NRXN1: variants seen among roughly 807,000 people sequenced by gnomAD.
The protein encoded by NRXN1 is neurexin-1.
In NRXN1, 39 loss-of-function variants were observed where a neutral mutation model predicts 150.9. That is an observed-to-expected ratio of 0.26 (90% CI 0.20 to 0.34). The LOEUF (loss-of-function observed/expected upper bound fraction) is 0.34. Ranked by LOEUF, NRXN1 falls within the 10% of genes least tolerant of loss-of-function variation. The pLI, the probability that NRXN1 is intolerant of heterozygous loss-of-function variation, is 1.00. For synonymous variants in NRXN1, 924 were observed against 757.0 expected (o/e 1.22, Z -3.62); for missense variants, 1,815 against 1,949.9 (o/e 0.93, Z 1.30).
intron 12 of NRXN1, among the ~76,000 whole-genome samples, chr2:50,508,053 C>A (rs2105013740): frequency 6.6e-6 from 1 of 152,110 alleles, no homozygotes; most frequent in South Asian, 2.1e-4. Context: ...GTAAAATAAA[C>A]CTCAGTTTTC....
intron 5 of NRXN1, among the ~76,000 whole-genome samples, chr2:50,791,511 C>G (rs1189817364): frequency 6.6e-6 from 1 of 152,052 alleles, no homozygotes; most frequent in Admixed American, 6.6e-5. Flanking sequence ...CGCCCAGAAT[C>G]TCCTCTTGCT....
intron 18 of NRXN1, among the ~76,000 whole-genome samples, chr2:50,192,617 G>A (rs891943833): frequency 2.0e-5 from 3 of 151,408 alleles, no homozygotes; most frequent in South Asian, 2.1e-4. Flanking sequence ...TTTTGGGGGG[G>A]GCGGTGGGGG....
intron 18 of NRXN1, among the ~76,000 whole-genome samples, chr2:50,097,072 T>C (rs893357379): frequency 6.6e-6 from 1 of 152,178 alleles, no homozygotes; most frequent in African/African-American, 2.4e-5. Flanking sequence ...ACATGTTACA[T>C]AAGATTTTAG....
intron 8 of NRXN1, among the ~76,000 whole-genome samples, chr2:50,602,971 G>A (rs1457644657): frequency 6.6e-6 from 1 of 152,172 alleles, no homozygotes; most frequent in Admixed American, 6.6e-5. Flanking sequence ...TCTTTGCCAA[G>A]AGTTTGCAGT....
chr2:50,393,289 T>A (rs1048730184), intron 17 of NRXN1, among the ~76,000 whole-genome samples: 1 of 152,130 alleles, frequency 6.6e-6, no homozygotes, highest in African/African-American at 2.4e-5. Context: ...TGCCATTTAT[T>A]CTCAGAACTC....
intron 5 of NRXN1, among the ~76,000 whole-genome samples, chr2:50,643,096 T>C (rs1684296813): frequency 2.0e-5 from 3 of 151,980 alleles, no homozygotes; most frequent in African/African-American, 7.2e-5. Flanking sequence ...CCTATGTAAA[T>C]GCCAATTTTT....
intron 17 of NRXN1, among the ~76,000 whole-genome samples, chr2:50,283,668 A>C (rs2071752296): frequency 1.3e-5 from 2 of 152,136 alleles, no homozygotes; most frequent in Admixed American, 1.3e-4. Context: ...AGCTTATCCA[A>C]GTTTTTCCTT....
At chr2:50,134,261 T>G (rs1321150816) in intron 18 of NRXN1, among the ~76,000 whole-genome samples, 1 of 80,544 alleles carries the variant, frequency 1.2e-5, no homozygotes, top group South Asian at 3.7e-4. Flanking sequence ...CAAAACCAAT[T>G]AAAAGTAACC....
At chr2:50,200,207 T>G (rs2062059479) in intron 18 of NRXN1, among the ~76,000 whole-genome samples, 2 of 152,180 alleles carry the variant, frequency 1.3e-5, no homozygotes, top group South Asian at 4.1e-4. Context: ...CACCCATAAA[T>G]GTATATCATA....
chr2:50,631,151 T>C, intron 5 of NRXN1: 1 of 433,436 alleles, frequency 2.3e-6, no homozygotes, highest in Non-Finnish European at 4.6e-6. Context: ...TAATATATGT[T>C]GTAAAATATT....
intron 21 of NRXN1, among the ~76,000 whole-genome samples, chr2:50,012,143 G>T (rs1012242696): frequency 2.0e-5 from 3 of 152,044 alleles, no homozygotes; most frequent in Non-Finnish European, 2.9e-5. Context: ...GGACAACCTA[G>T]AATATTTCAT....
chr2:50,999,089 G>A (rs1040995348), intron 2 of NRXN1, among the ~76,000 whole-genome samples: 22 of 151,958 alleles, frequency 1.4e-4, no homozygotes, highest in Non-Finnish European at 7.4e-5. Flanking sequence ...ACCTGAAGAA[G>A]ACTAAGCATT....
At chr2:49,973,004 C>A (rs976484039) in intron 21 of NRXN1, 2 of 152,198 alleles carry the variant, frequency 1.3e-5, no homozygotes, top group African/African-American at 4.8e-5. Context: ...TAATTCTCCA[C>A]AGGCCTAGGG....
At chr2:50,558,125 G>C (rs1431953903) in intron 8 of NRXN1, among the ~76,000 whole-genome samples, 2 of 151,904 alleles carry the variant, frequency 1.3e-5, no homozygotes, top group Non-Finnish European at 2.9e-5. Context: ...CCTCTTATAA[G>C]AGTTTTATAT....
In NRXN1 at chr2:49,921,295, T is replaced by G. The variant is rs1668150224; in HGVS notation, c.*649A>C. ...TTGAAATTTTGTGTGAAAACGTGCC[T>G]TATATTTCACATTTTTGAAAATAAG... On this transcript the variant is annotated 3_prime_UTR_variant, in exon 23 of 23. Coordinates refer to ENST00000401669, the MANE Select transcript of NRXN1 (RefSeq NM_001330078.2). 1 of 152,646 alleles carries G rather than the reference T, an allele frequency of 6.6e-6. No homozygotes were observed. Among genetic ancestry groups the G allele is most frequent in the African/African-American group, 2.4e-5 (1 of 41,452 alleles). The allele number at this position is 152,646 out of a possible 1,614,324, so 9.5% of individuals were successfully genotyped here.
chr2:50,271,133 C>G (rs996937767), intron 17 of NRXN1, among the ~76,000 whole-genome samples: 2 of 152,116 alleles, frequency 1.3e-5, no homozygotes, highest in African/African-American at 2.4e-5. Flanking sequence ...GTGAACACTA[C>G]TGGACAATAT....
chr2:50,693,470 C>T (rs1461167683), intron 5 of NRXN1, among the ~76,000 whole-genome samples: 3 of 152,090 alleles, frequency 2.0e-5, no homozygotes, highest in Non-Finnish European at 4.4e-5. Flanking sequence ...TACCTAGGGA[C>T]TTTTGGACTT....
At chr2:50,547,254 A>G (rs2093515217) in intron 9 of NRXN1, among the ~76,000 whole-genome samples, 1 of 152,190 alleles carries the variant, frequency 6.6e-6, no homozygotes, top group Non-Finnish European at 1.5e-5. Flanking sequence ...TTTGACAAGA[A>G]TAATGAGTTT....
At chr2:50,382,120 C>CG (rs1192300018) in intron 17 of NRXN1, among the ~76,000 whole-genome samples, 1 of 151,914 alleles carries the variant, frequency 6.6e-6, no homozygotes, top group Admixed American at 6.6e-5. Context: ...GTAAGAAAGA[C>CG]CTATTACTCT....
Sources: gnomAD v4.1 joint callset for allele counts (sites outside exome capture counted in the v4.1 genomes callset) on GRCh38, gnomAD v4.1.1 for gene constraint, MANE v1.5 for transcripts, NCBI Gene and HGNC (gene_info 2026-07-23, HGNC 2026-07-21) for gene names.